The following OLFM1 variants were observed in gnomAD, a reference collection of about 807,000 sequenced individuals.
The protein encoded by OLFM1 is noelin.
OLFM1 carries 9 observed loss-of-function variants against 49.7 expected under a neutral mutation model. The observed-to-expected ratio is 0.18, with a 90% CI of 0.11 to 0.32. The LOEUF (loss-of-function observed/expected upper bound fraction) is 0.32. Ranked by LOEUF, OLFM1 falls within the 10% of genes least tolerant of loss-of-function variation. The pLI, the probability that OLFM1 is intolerant of heterozygous loss-of-function variation, is 1.00. For missense variants in OLFM1, 369 were observed against 661.8 expected (o/e 0.56, Z 4.85); for synonymous variants, 240 against 271.8 (o/e 0.88, Z 1.15).
intron 2 of OLFM1, among the ~76,000 whole-genome samples, chr9:135,092,950 C>T (rs1830736329): frequency 6.6e-6 from 1 of 152,202 alleles, no homozygotes. Context: ...TCCTCTTTCT[C>T]TTTTCTTCTC....
rs192262370 is a variant in OLFM1, at chr9:135,104,899, C to T, written c.677-1850C>T. On this transcript the variant is annotated intron_variant, in intron 4 of 5. Coordinates refer to ENST00000371793, the MANE Select transcript of OLFM1 (RefSeq NM_001282611.2). Reference sequence around the variant, plus strand: ...GTTGCACTGGGGTGAAAATCTGGGCCGGGCTCTCCTGGAAGAGGAGTCTCT... The same window carrying T: ...GTTGCACTGGGGTGAAAATCTGGGCTGGGCTCTCCTGGAAGAGGAGTCTCT... 3.3e-5 allele frequency among the ~76,000 whole-genome samples: 5 copies of T among 152,322 alleles called. No homozygotes were observed. In the East Asian group the frequency reaches 7.7e-4, roughly 24 times the overall value.
In OLFM1 at chr9:135,090,521, T is replaced by A. The variant is rs529258970; in HGVS notation, c.300+177T>A. Among the ~76,000 whole-genome samples, 11 of 151,714 alleles carry A rather than the reference T, an allele frequency of 7.3e-5. 1 individual carries two copies. The South Asian group carries it at 2.3e-3, about 32-fold the overall frequency. On this transcript the variant is annotated intron_variant, in intron 2 of 5. Transcript: ENST00000371793. Reference sequence around the variant, plus strand: ...ATTTGTGAATGAGTGAAAGGGTGGATGGACGGATGGGTGGATGGGTGGGTG... The same window carrying A: ...ATTTGTGAATGAGTGAAAGGGTGGAAGGACGGATGGGTGGATGGGTGGGTG...
At chr9:135,085,127 G>A (rs1309200524), upstream of OLFM1, among the ~76,000 whole-genome samples, 4 of 152,200 alleles carry the variant, frequency 2.6e-5, no homozygotes, top group African/African-American at 9.6e-5. Flanking sequence ...TAGGGGGCTG[G>A]CATGAGGATA....
At chr9:135,076,404 G>A (rs565117471) in intron 1 of OLFM1, 4 of 1,487,600 alleles carry the variant, frequency 2.7e-6, no homozygotes, top group Admixed American at 2.2e-5. Flanking sequence ...TGAGTGAGGA[G>A]CCCTGTGGCG....
intron 2 of OLFM1, among the ~76,000 whole-genome samples, chr9:135,093,469 T>G (rs1830742891): frequency 6.6e-6 from 1 of 152,174 alleles, no homozygotes; most frequent in Admixed American, 6.5e-5. Flanking sequence ...CGGGGTTTTG[T>G]AAAGATCAAA....
Position 135,098,624 on chromosome 9 carries a change from A to G in OLFM1, c.676+119A>G, listed in dbSNP as rs753039819. 1.2e-6 allele frequency: 1 copy of G among 850,806 alleles called. No individual in the cohort carries two copies. Among genetic ancestry groups the G allele is most frequent in the Non-Finnish European group, 1.9e-6 (1 of 537,372 alleles). The allele number at this position is 850,806 out of a possible 1,614,324, so 52.7% of individuals were successfully genotyped here. ...CCTGGCTTCGCGAGGTGATGGCTGG[A>G]TTAGGGCTCCTGGGCAGGTCTACCT... On this transcript the variant is annotated intron_variant, in intron 4 of 5. Transcript: ENST00000371793. The surrounding 1 kb of genome is among the most constrained non-coding windows in gnomAD (Gnocchi z 5.6).
intron 5 of OLFM1, among the ~76,000 whole-genome samples, chr9:135,112,006 C>T (rs1483579662): frequency 2.6e-5 from 4 of 152,334 alleles, no homozygotes; most frequent in East Asian, 1.9e-4. Context: ...TGAGCCACCA[C>T]GCCCAGCCAG....
chr9:135,075,773 CTCA>C (rs779481005), exon 1 of OLFM1: 1 of 1,607,630 alleles, frequency 6.2e-7, no homozygotes, highest in African/African-American at 1.4e-5. Context: ...CCTCCTCTTC[CTCA>C]TCCTGATGGG....
At chr9:135,094,216 G>A (rs1008943013) in intron 2 of OLFM1, among the ~76,000 whole-genome samples, 2 of 152,152 alleles carry the variant, frequency 1.3e-5, no homozygotes, top group Non-Finnish European at 2.9e-5. Flanking sequence ...CTTTGTGCAG[G>A]GGTTACAGAT....
chr9:135,103,393 GGCCTCCA>G (rs1365442581), intron 4 of OLFM1, among the ~76,000 whole-genome samples: 1 of 152,252 alleles, frequency 6.6e-6, no homozygotes, highest in Non-Finnish European at 1.5e-5. Flanking sequence ...GAGGGCAGGT[GGCCTCCA>G]GCCCCAAGGG....
chr9:135,105,279 C>T (rs1278767203), intron 4 of OLFM1, among the ~76,000 whole-genome samples: 3 of 152,360 alleles, frequency 2.0e-5, no homozygotes, highest in South Asian at 2.1e-4. Flanking sequence ...GCCAGGTTGC[C>T]GGGGCCTTGG....
chr9:135,097,229 A>G (rs985307769), intron 3 of OLFM1, among the ~76,000 whole-genome samples: 6 of 152,250 alleles, frequency 3.9e-5, no homozygotes, highest in African/African-American at 7.2e-5. Context: ...TAATGAAATT[A>G]TAAATCTATA....
chr9:135,079,459 G>A (rs1830506598), intron 1 of OLFM1, among the ~76,000 whole-genome samples: 1 of 152,088 alleles, frequency 6.6e-6, no homozygotes, highest in Admixed American at 6.5e-5. Context: ...CAAAAAATGA[G>A]CAGGGCGTGG....
rs1419680720 is a variant in OLFM1 at position 135,098,944 on chromosome 9, C to G, written c.676+439C>G. Among the ~76,000 whole-genome samples the G allele has an allele frequency of 6.6e-6, 1 of 152,216 alleles. No individual in the cohort carries two copies. The highest frequency in any genetic ancestry group is 2.4e-5 in the African/African-American group (1 of 41,460). Reference sequence around the variant, plus strand: ...AATAAAAAAGGGAACAAAATTCAATCACATCTCAGTAGAGCTGCCATTCAC... The same window carrying G: ...AATAAAAAAGGGAACAAAATTCAATGACATCTCAGTAGAGCTGCCATTCAC... On this transcript the variant is annotated intron_variant, in intron 4 of 5. Transcript: ENST00000371793. This position sits in a 1 kb window ranked among gnomAD's most constrained non-coding sequence, Gnocchi z 5.6.
At chr9:135,095,607 A>C (rs62573445) in intron 2 of OLFM1, among the ~76,000 whole-genome samples, 1 of 151,874 alleles carries the variant, frequency 6.6e-6, no homozygotes, top group African/African-American at 2.4e-5. Flanking sequence ...TGAGTCTCCT[A>C]CACCCCTGAT....
intron 5 of OLFM1, among the ~76,000 whole-genome samples, chr9:135,107,956 A>G (rs1010236597): frequency 1.3e-5 from 2 of 151,436 alleles, no homozygotes; most frequent in African/African-American, 2.4e-5. Context: ...CCTCTGGCAC[A>G]CTCCTTCCTT....
chr9:135,097,516 G>A (rs371017789), intron 3 of OLFM1, among the ~76,000 whole-genome samples: 1 of 152,266 alleles, frequency 6.6e-6, no homozygotes, highest in East Asian at 1.9e-4. Flanking sequence ...GCATCTCTCC[G>A]AGTTTCCAAT....
chr9:135,119,312 A>G (rs796129034), intron 5 of OLFM1, among the ~76,000 whole-genome samples, 192 bp from the exon 6 acceptor site: 297 of 99,836 alleles, frequency 3.0e-3, no homozygotes, highest in African/African-American at 6.3e-3. Context: ...TCTTTGGAGT[A>G]CTCACTGGAT....
Position 135,090,210 on chromosome 9 carries a change from C to A in OLFM1, c.166C>A (p.Pro56Thr). 1.2e-6 allele frequency: 2 copies of A among 1,612,270 alleles called. No homozygotes were observed. Among genetic ancestry groups the A allele is most frequent in the East Asian group, 2.2e-5 (1 of 44,800 alleles). The change falls in exon 2 of 6, where the codon CCT (proline) becomes ACT (threonine). Residue 56 changes from proline to threonine, a missense_variant. Pro to Thr is a conservative substitution (Grantham distance 38, BLOSUM62 -1). Around this residue, in one of 3 missense-constraint regions of OLFM1, gnomAD observed 55 missense variants for 53.3 expected, o/e 1.03. Coordinates refer to ENST00000371793, the MANE Select transcript of OLFM1 (RefSeq NM_001282611.2). ...CCCTCTCCAGGTGCTGCCCACCAAC[C>A]CTGAGGAGAGCTGGCAGGTGTACAG... ...DRSTGVLPTNPEESWQVYSSA... is the reference protein window; with the variant it reads ...DRSTGVLPTNTEESWQVYSSA...
Sources: gnomAD v4.1 joint callset for allele counts (sites outside exome capture counted in the v4.1 genomes callset) on GRCh38, gnomAD v4.1.1 for gene constraint, gnomAD v4.1.1 regional missense constraint, Gnocchi (gnomAD v3.1) non-coding constraint, MANE v1.5 for transcripts, NCBI Gene and HGNC (gene_info 2026-07-23, HGNC 2026-07-21) for gene names.